Variants in GOSR1 observed in about 807,000 individuals in gnomAD.
GOSR1 encodes 28 kDa Golgi SNARE protein.
In GOSR1, 21 loss-of-function variants were observed where a neutral mutation model predicts 35.5. The observed-to-expected ratio is 0.59, with a 90% CI of 0.42 to 0.85. The LOEUF (loss-of-function observed/expected upper bound fraction) is 0.85. Among genes scored for constraint, GOSR1 ranks in the 40% least tolerant of loss-of-function variants. GOSR1 has a pLI of 0.00. For synonymous variants in GOSR1, 94 were observed against 106.6 expected (o/e 0.88, Z 0.73); for missense variants, 285 against 309.6 (o/e 0.92, Z 0.60).
intron 6 of GOSR1, among the ~76,000 whole-genome samples, chr17:30,494,459 A>G (rs1167426791): frequency 6.6e-6 from 1 of 152,118 alleles, no homozygotes; most frequent in Non-Finnish European, 1.5e-5. Context: ...ACATTCTCAT[A>G]GGGTTTTTAG....
rs16965842 is a variant in GOSR1 at position 30,495,829 on chromosome 17, A to G, written c.509+3076A>G. ...ATCCAGTCTGTTGTTCTACTTCTGT[A>G]TGAGAGGGCTAAAGAAAAAGCAACT... On this transcript the variant is annotated intron_variant, in intron 6 of 8. Coordinates refer to ENST00000451249, the MANE Select transcript of GOSR1 (RefSeq NM_001007025.2). Among the ~76,000 whole-genome samples, 378 of 152,310 alleles carry G rather than the reference A, an allele frequency of 2.5e-3. 1 individual carries two copies. The highest frequency in any genetic ancestry group is 8.8e-3 in the African/African-American group (364 of 41,564).
At chr17:30,500,920 G>C (rs1017061410) in intron 6 of GOSR1, among the ~76,000 whole-genome samples, 1 of 142,220 alleles carries the variant, frequency 7.0e-6, no homozygotes, top group Non-Finnish European at 1.5e-5. Context: ...TCGCTCTGTC[G>C]CCCAGGCTGG....
chr17:30,526,074 G>A lies in GOSR1; in HGVS notation c.*3696G>A, dbSNP rs1303558170. ...GGGATTTGAGCTCTTTCAGCTCCAT[G>A]TCATTTAACTTTTTTGTTTAACCAC... is the stretch of plus-strand genomic sequence containing the variant. On this transcript the variant is annotated 3_prime_UTR_variant, in exon 9 of 9. Transcript: ENST00000451249. The A allele has an allele frequency of 6.6e-6, 1 of 152,194 alleles. No homozygotes were observed. Among genetic ancestry groups the A allele is most frequent in the African/African-American group, 2.4e-5 (1 of 41,450 alleles). 9.4% of individuals were successfully genotyped at this position (152,194 alleles called of 1,614,324 possible). A position where few individuals can be genotyped will look rare whatever the true frequency, so the allele number is the denominator to read the frequency against.
chr17:30,492,287 G>T (rs1915098054), intron 5 of GOSR1, among the ~76,000 whole-genome samples: 1 of 152,128 alleles, frequency 6.6e-6, no homozygotes, highest in Non-Finnish European at 1.5e-5. Context: ...TATTGTGAAA[G>T]AAAACATTTC....
In GOSR1 at chr17:30,481,292, T is replaced by G. The variant is rs1458404791; in HGVS notation, c.146+35T>G. The G allele has an allele frequency of 2.0e-6, 3 of 1,506,110 alleles. No homozygotes were observed. The African/African-American group carries it at 4.1e-5, about 21-fold the overall frequency. 93.3% of individuals were successfully genotyped at this position (1,506,110 alleles called of 1,614,324 possible). ...CTACCAGATTCTGTCTCCTATGCCT[T>G]AACTGTGTTTTTAAAGCATTAAAAA... On this transcript the variant is annotated intron_variant, in intron 2 of 8. Coordinates refer to ENST00000451249, the MANE Select transcript of GOSR1 (RefSeq NM_001007025.2).
chr17:30,521,174 T>C (rs1318749656), intron 8 of GOSR1, among the ~76,000 whole-genome samples: 1 of 135,242 alleles, frequency 7.4e-6, no homozygotes, highest in Non-Finnish European at 1.6e-5. Flanking sequence ...TCTCTTTTTT[T>C]TTTTTTTTTT....
rs1174971746 is a variant in GOSR1, at chr17:30,484,762, A to G, written c.334A>G (p.Ile112Val). ...GCATACATTACAGCGGCATAGAGAC[A>G]TATTGCAGGTAATATATTGGGCTCG... ...LMHTLQRHRD[I>V]LQDYTHEFHK... Residue 112 changes from isoleucine to valine, a missense_variant, in exon 4 of 9, where the codon ATA (isoleucine) becomes GTA (valine). Ile to Val is a conservative substitution (Grantham distance 29). Transcript: ENST00000451249. 4 of 1,539,488 alleles carry G rather than the reference A, an allele frequency of 2.6e-6. No homozygotes were observed. The highest frequency in any genetic ancestry group is 3.6e-6 in the Non-Finnish European group (4 of 1,112,324).
intron 2 of GOSR1, 95 bp from the exon 3 acceptor site, chr17:30,484,119 C>G: frequency 2.7e-6 from 2 of 730,842 alleles, no homozygotes; most frequent in Non-Finnish European, 5.0e-6. Context: ...ATCCATAATT[C>G]ATTTTATGGC....
At chr17:30,491,749 A>AT (rs1394693094) in intron 5 of GOSR1, among the ~76,000 whole-genome samples, 4 of 152,258 alleles carry the variant, frequency 2.6e-5, no homozygotes, top group African/African-American at 9.6e-5. Context: ...TTTACACAGT[A>AT]TTTTTTAATG....
chr17:30,506,588 T>C (rs1967410750), intron 6 of GOSR1, among the ~76,000 whole-genome samples: 1 of 152,210 alleles, frequency 6.6e-6, no homozygotes, highest in Admixed American at 6.5e-5. Flanking sequence ...AAGTGCAAGG[T>C]TGAAGCAGGA....
At chr17:30,489,693 T>C (rs1043750223) in intron 4 of GOSR1, among the ~76,000 whole-genome samples, 1 of 152,234 alleles carries the variant, frequency 6.6e-6, no homozygotes, top group Non-Finnish European at 1.5e-5. Context: ...TATAATTCTC[T>C]TGATTCTGTT....
At chr17:30,483,407 A>C (rs1162581929) in intron 2 of GOSR1, among the ~76,000 whole-genome samples, 1 of 152,232 alleles carries the variant, frequency 6.6e-6, no homozygotes, top group Non-Finnish European at 1.5e-5. Context: ...CTAGGCATAT[A>C]TCTATGAATA....
At chr17:30,487,786 GAGACGGA>G in intron 4 of GOSR1, among the ~76,000 whole-genome samples, 1 of 148,670 alleles carries the variant, frequency 6.7e-6, no homozygotes, top group Non-Finnish European at 1.5e-5. Flanking sequence ...TTTTTTTCTT[GAGACGGA>G]GTCTCGCTCT....
At chr17:30,477,489 G>A in intron 1 of GOSR1, 25 bp downstream of exon 1, 1 of 1,605,928 alleles carries the variant, frequency 6.2e-7, no homozygotes, top group Non-Finnish European at 8.5e-7. Context: ...GCCTCCGGGT[G>A]CGTCCTACGA....
rs990500065 is a variant in GOSR1 at position 30,517,068 on chromosome 17, A to C, written c.540-2871A>C. 1.4e-4 allele frequency among the ~76,000 whole-genome samples: 22 copies of C among 152,300 alleles called. No individual in the cohort carries two copies. In the South Asian group the frequency reaches 3.5e-3, roughly 24 times the overall value. ...CTATGTAATCACTGCCTGTGATTTCAGTTGAAAGTGATCTAAATCCTAGCA... is the reference window on the plus strand; with the variant it reads ...CTATGTAATCACTGCCTGTGATTTCCGTTGAAAGTGATCTAAATCCTAGCA... On this transcript the variant is annotated intron_variant, in intron 7 of 8. Transcript: ENST00000451249.
At chr17:30,484,535 TTTTTGTTTTG>T (rs5819902) in intron 3 of GOSR1, 118 bp from the exon 4 acceptor site, 120 of 604,818 alleles carry the variant, frequency 2.0e-4, no homozygotes, top group African/African-American at 1.0e-3. Flanking sequence ...TCTTGTTTGT[TTTTTGTTTTG>T]TTTTGTTTTG....
At chr17:30,483,834 C>A (rs1002088066) in intron 2 of GOSR1, among the ~76,000 whole-genome samples, 6 of 152,144 alleles carry the variant, frequency 3.9e-5, no homozygotes, top group African/African-American at 9.7e-5. Flanking sequence ...TAACACAATT[C>A]TACAAAACAA....
rs377022829 is a variant in GOSR1 at position 30,481,181 on chromosome 17, G to C, written c.70G>C (p.Asp24His). 6.3e-7 allele frequency: 1 copy of C among 1,599,402 alleles called. No individual in the cohort carries two copies. The highest frequency in any genetic ancestry group is 2.2e-5 in the East Asian group (1 of 44,828). Reference sequence around the variant, plus strand: ...GGCTCGACAGCTGGAAAATGAACTTGACCTGAAACTAGTTTCCTTCAGCAA... The same window carrying C: ...GGCTCGACAGCTGGAAAATGAACTTCACCTGAAACTAGTTTCCTTCAGCAA... ...KQARQLENEL[D>H]LKLVSFSKLC... is the part of the protein sequence containing the mutation. The change falls in exon 2 of 9, where the codon GAC (aspartate) becomes CAC (histidine). Residue 24 changes from aspartate (D) to histidine (H), a missense_variant. Around this residue, in one of 3 missense-constraint regions of GOSR1, gnomAD observed 108 missense variants for 98.9 expected, o/e 1.09. Coordinates refer to ENST00000451249, the MANE Select transcript of GOSR1 (RefSeq NM_001007025.2).
At chr17:30,485,194 C>T (rs1914604218) in intron 4 of GOSR1, 1 of 199,616 alleles carries the variant, frequency 5.0e-6, no homozygotes, top group African/African-American at 2.4e-5. Flanking sequence ...TGTGTATGCA[C>T]CAATAAAACT....
Sources: gnomAD v4.1 joint callset for allele counts (sites outside exome capture counted in the v4.1 genomes callset) on GRCh38, gnomAD v4.1.1 for gene constraint, gnomAD v4.1.1 regional missense constraint, MANE v1.5 for transcripts, NCBI Gene and HGNC (gene_info 2026-07-23, HGNC 2026-07-21) for gene names.